Variants in OPHN1 observed in about 807,000 individuals in gnomAD.
The protein encoded by OPHN1 is oligophrenin-1.
A neutral mutation model predicts 60.7 loss-of-function variants in OPHN1; 11 were observed. The observed-to-expected ratio is 0.18, with a 90% CI of 0.11 to 0.30. OPHN1 has a LOEUF of 0.30. Among genes scored for constraint, OPHN1 ranks in the 10% least tolerant of loss-of-function variants. OPHN1 has a pLI of 1.00. For synonymous variants in OPHN1, 226 were observed against 222.6 expected (o/e 1.02, Z -0.14); for missense variants, 449 against 611.0 (o/e 0.73, Z 2.80).
chrX:68,237,909 A>AT (rs1348820448), intron 5 of OPHN1, among the ~76,000 whole-genome samples: 3 of 112,182 alleles, frequency 2.7e-5, no homozygotes, highest in Non-Finnish European at 5.6e-5. Flanking sequence ...AAAGTGAAGA[A>AT]CGTAGACATC....
intron 2 of OPHN1, among the ~76,000 whole-genome samples, chrX:68,422,752 AAAG>A (rs1288790161): frequency 1.2e-5 from 1 of 84,020 alleles, no homozygotes; most frequent in Non-Finnish European, 2.4e-5. Context: ...AGGAAGGATG[AAAG>A]AAGAAAGGGA....
At chrX:68,158,838 C>T (rs963553114) in intron 15 of OPHN1, among the ~76,000 whole-genome samples, 9 of 112,029 alleles carry the variant, frequency 8.0e-5, no homozygotes, top group African/African-American at 2.9e-4. Context: ...GAGCTCCTTT[C>T]CTCAATCAAG....
At chrX:68,122,318 G>T (rs941778217) in intron 15 of OPHN1, among the ~76,000 whole-genome samples, 4 of 111,474 alleles carry the variant, frequency 3.6e-5, no homozygotes, top group Non-Finnish European at 7.5e-5. Context: ...ATGCAGATAT[G>T]GATTGGATGA....
At chrX:68,173,186 T>G (rs916493232) in intron 15 of OPHN1, among the ~76,000 whole-genome samples, 1 of 111,338 alleles carries the variant, frequency 9.0e-6, no homozygotes, top group Non-Finnish European at 1.9e-5. Flanking sequence ...CTCAACTCAT[T>G]ATCTCTCCAC....
At chrX:68,347,754 A>G (rs1014516364) in intron 2 of OPHN1, among the ~76,000 whole-genome samples, 16 of 112,191 alleles carry the variant, frequency 1.4e-4, no homozygotes, top group Non-Finnish European at 1.3e-4. Context: ...TAGCTCTGCT[A>G]AGAAGCTCTC....
At chrX:68,063,817 G>T in intron 21 of OPHN1, 37 bp downstream of exon 21, 1 of 1,086,575 alleles carries the variant, frequency 9.2e-7, no homozygotes, top group Non-Finnish European at 1.2e-6. Flanking sequence ...AGTAGTTAGG[G>T]TCAGCTCTGG....
At chrX:68,284,502 T>C (rs2078032110) in intron 3 of OPHN1, among the ~76,000 whole-genome samples, 1 of 110,812 alleles carries the variant, frequency 9.0e-6, no homozygotes, top group African/African-American at 3.3e-5. Flanking sequence ...AAACCTCTCT[T>C]CTTCATAAAT....
At chrX:68,157,979 C>A (rs1189378867) in intron 15 of OPHN1, among the ~76,000 whole-genome samples, 1 of 111,415 alleles carries the variant, frequency 9.0e-6, no homozygotes, top group Non-Finnish European at 1.9e-5. Flanking sequence ...GACGGAGTCT[C>A]GCTCTGTTGC....
At chrX:68,379,148 C>T (rs1466804176) in intron 2 of OPHN1, among the ~76,000 whole-genome samples, 23 of 110,986 alleles carry the variant, frequency 2.1e-4, no homozygotes, top group East Asian at 1.7e-3. Flanking sequence ...AGGTCCTTCA[C>T]GTCCCTTGTA....
intron 6 of OPHN1, among the ~76,000 whole-genome samples, chrX:68,217,862 A>T (rs1354630199): frequency 9.8e-6 from 1 of 101,713 alleles, no homozygotes; most frequent in African/African-American, 3.3e-5. Flanking sequence ...AACTCTAAAA[A>T]GCAGAGCGCC....
Position 68,251,456 on chromosome X carries a change from T to C in OPHN1, c.385-16868A>G, listed in dbSNP as rs757520971. ...GCCTTGGCCTCCCAAAGTGCTGCGA[T>C]TACAGGCGAGAGCCACCGCACCTGG... is the stretch of plus-strand genomic sequence containing the variant. On this transcript the variant is annotated intron_variant, in intron 5 of 24. Transcript: ENST00000355520. Among the ~76,000 whole-genome samples the C allele has an allele frequency of 4.6e-4, 51 of 109,898 alleles. 2 individuals carry two copies. Among genetic ancestry groups the C allele is most frequent in the African/African-American group, 1.6e-3 (49 of 30,177 alleles).
chrX:68,248,603 A>G (rs1341392323), intron 5 of OPHN1, among the ~76,000 whole-genome samples: 2 of 112,195 alleles, frequency 1.8e-5, no homozygotes, highest in Admixed American at 1.9e-4. Flanking sequence ...ACATACCCCA[A>G]AGAAAGGAAA....
At chrX:68,093,721 C>T (rs1029344219) in intron 19 of OPHN1, among the ~76,000 whole-genome samples, 1 of 111,497 alleles carries the variant, frequency 9.0e-6, no homozygotes, top group African/African-American at 3.2e-5. Context: ...GCCACGCATA[C>T]GTCATGTTCA....
At chrX:68,060,070 A>T (rs2076887563) in intron 21 of OPHN1, among the ~76,000 whole-genome samples, 1 of 111,668 alleles carries the variant, frequency 9.0e-6, no homozygotes, top group Non-Finnish European at 1.9e-5. Context: ...GATGGGATAT[A>T]GCCCTCCTCC....
chrX:68,367,573 C>G (rs1440759650), intron 2 of OPHN1, among the ~76,000 whole-genome samples: 1 of 111,216 alleles, frequency 9.0e-6, no homozygotes, highest in Admixed American at 9.7e-5. Context: ...AGCCTACGTT[C>G]CCAGTGTGCA....
At chrX:68,189,394 T>G (rs183575070) in intron 15 of OPHN1, among the ~76,000 whole-genome samples, 1 of 111,486 alleles carries the variant, frequency 9.0e-6, no homozygotes, top group African/African-American at 3.3e-5. Context: ...CTAGGGTACA[T>G]GTGCACAACG....
chrX:68,302,768 C>A (rs185030316), intron 2 of OPHN1, among the ~76,000 whole-genome samples: 1 of 109,335 alleles, frequency 9.1e-6, no homozygotes, highest in Admixed American at 9.9e-5. Flanking sequence ...AAAAAATTTT[C>A]TTTAAATTAG....
chrX:68,168,362 C>A (rs1034944374), intron 15 of OPHN1, among the ~76,000 whole-genome samples: 2 of 112,656 alleles, frequency 1.8e-5, no homozygotes, highest in Non-Finnish European at 3.7e-5. Context: ...CTCAAAACCA[C>A]TCAACTACGT....
At chrX:68,275,836 G>A (rs985539761) in intron 4 of OPHN1, among the ~76,000 whole-genome samples, 10 of 111,061 alleles carry the variant, frequency 9.0e-5, no homozygotes, top group African/African-American at 2.9e-4. Flanking sequence ...TAGGTTATAC[G>A]TGTCTTTCAG....
Sources: gnomAD v4.1 joint callset for allele counts (sites outside exome capture counted in the v4.1 genomes callset) on GRCh38, gnomAD v4.1.1 for gene constraint, MANE v1.5 for transcripts, NCBI Gene and HGNC (gene_info 2026-07-23, HGNC 2026-07-21) for gene names.